The following MYH9 variants were observed in gnomAD, a reference collection of about 807,000 sequenced individuals.
MYH9 encodes myosin heavy chain 9.
In MYH9, 29 loss-of-function variants were observed where a neutral mutation model predicts 241.9. That is an observed-to-expected ratio of 0.12 (90% CI 0.09 to 0.16). MYH9 has a LOEUF of 0.16. MYH9 is among the 10% of genes least tolerant of loss of function. The pLI is 1.00. For missense variants in MYH9, 1,803 were observed against 2,595.5 expected (o/e 0.69, Z 6.63); for synonymous variants, 1,047 against 1,062.6 (o/e 0.99, Z 0.29).
rs1194052936 is a variant in MYH9 at position 36,320,203 on chromosome 22, G to A, written c.1012+17C>T. The A allele has an allele frequency of 1.2e-6, 2 of 1,613,970 alleles. No individual in the cohort carries two copies. Among genetic ancestry groups the A allele is most frequent in the African/African-American group, 1.3e-5 (1 of 74,926 alleles). ...TCCTCTGCCCCACACTCGACCATAG[G>A]AGGGCCAGCCCTGTACCCATTTGCT... On this transcript the variant is annotated intron_variant, in intron 9 of 40. Coordinates refer to ENST00000216181, the MANE Select transcript of MYH9 (RefSeq NM_002473.6). The surrounding 1 kb of genome is among the most constrained non-coding windows in gnomAD (Gnocchi z 4.8).
rs866226109 is a variant in MYH9 at position 36,303,977 on chromosome 22, G to A, written c.2390+18C>T. On this transcript the variant is annotated intron_variant, in intron 19 of 40. Coordinates refer to ENST00000216181, the MANE Select transcript of MYH9 (RefSeq NM_002473.6). ...GCAAGGCCTGGCATGCGGGGCAGGA[G>A]TATCTCCCGGGACTCACTTCCTGGC... The A allele has an allele frequency of 6.2e-6, 10 of 1,613,062 alleles. No homozygotes were observed. Among genetic ancestry groups the A allele is most frequent in the Middle Eastern group, 3.3e-4 (2 of 6,056 alleles).
At chr22:36,362,068 C>T (rs915465068) in intron 1 of MYH9, among the ~76,000 whole-genome samples, 12 of 151,764 alleles carry the variant, frequency 7.9e-5, no homozygotes, top group Non-Finnish European at 1.5e-4. Context: ...GACTCTGCCT[C>T]AAAAATAAAA....
intron 14 of MYH9, among the ~76,000 whole-genome samples, chr22:36,311,449 T>C (rs540126818): frequency 3.6e-4 from 54 of 151,980 alleles, no homozygotes; most frequent in African/African-American, 1.2e-3. Flanking sequence ...CTCCTAACTC[T>C]AGTGGGTAGC....
chr22:36,312,161 T>G lies in MYH9; in HGVS notation c.1616A>C (p.Asp539Ala). The change falls in exon 14 of 41, where the codon GAC becomes GCC. Residue 539 changes from aspartate (D) to alanine (A), a missense_variant. Around this residue, in one of 11 missense-constraint regions of MYH9, gnomAD observed 163 missense variants for 349.7 expected, o/e 0.47. Coordinates refer to ENST00000216181, the MANE Select transcript of MYH9 (RefSeq NM_002473.6). ...DEECWFPKAT[D>A]KSFVEKVMQE... ...CATCACCTTCTCCACGAAGCTCTTGTCGGTGGCTTTGGGGAACCAGCACTC... is the reference window on the plus strand; with the variant it reads ...CATCACCTTCTCCACGAAGCTCTTGGCGGTGGCTTTGGGGAACCAGCACTC... 1 of 1,614,174 alleles carries G rather than the reference T, an allele frequency of 6.2e-7. No homozygotes were observed. The highest frequency in any genetic ancestry group is 8.5e-7 in the Non-Finnish European group (1 of 1,180,020).
At chr22:36,348,644 ATTC>A (rs556888698) in intron 2 of MYH9, among the ~76,000 whole-genome samples, 223 of 152,308 alleles carry the variant, frequency 1.5e-3, no homozygotes, top group African/African-American at 5.2e-3. Flanking sequence ...ACAGGGCCAT[ATTC>A]TTCTCCCTAC....
chr22:36,375,174 G>A (rs756822347), intron 1 of MYH9, among the ~76,000 whole-genome samples: 8 of 152,158 alleles, frequency 5.3e-5, no homozygotes, highest in Non-Finnish European at 1.0e-4. Flanking sequence ...GATGAAGGAC[G>A]AAAGGAACCC....
At chr22:36,284,060 G>C (rs770745869) in intron 40 of MYH9, 33 bp downstream of exon 40, 1 of 1,607,914 alleles carries the variant, frequency 6.2e-7, no homozygotes, top group South Asian at 1.1e-5. Flanking sequence ...GAGAAGTGCC[G>C]AGGCAAAGGG....
At chr22:36,291,896 G>A (rs570953728) in intron 31 of MYH9, 90 bp downstream of exon 31, 729 of 1,596,448 alleles carry the variant, frequency 4.6e-4, no homozygotes, top group Middle Eastern at 2.1e-3. Flanking sequence ...AGACCCTGAG[G>A]GAGCCCAGGC....
chr22:36,360,331 C>T (rs945237218), intron 1 of MYH9, among the ~76,000 whole-genome samples: 8 of 151,918 alleles, frequency 5.3e-5, no homozygotes, highest in South Asian at 2.1e-4. Context: ...GTTTCGTGGC[C>T]GAGTAAGGAT....
Position 36,349,267 on chromosome 22 carries a change from G to A in MYH9, c.-19-12C>T, listed in dbSNP as rs752891231. 120 of 1,600,286 alleles carry A rather than the reference G, an allele frequency of 7.5e-5. No individual in the cohort carries two copies. The highest frequency in any genetic ancestry group is 1.0e-4 in the Non-Finnish European group (117 of 1,168,886). ...CTTATAGCCAGGACCTAAGCGGGGAGGAGAAGGACAACACATTACATACAA... is the reference window on the plus strand; with the variant it reads ...CTTATAGCCAGGACCTAAGCGGGGAAGAGAAGGACAACACATTACATACAA... On this transcript the variant is annotated splice_polypyrimidine_tract_variant and intron_variant, in intron 1 of 40. Coordinates refer to ENST00000216181, the MANE Select transcript of MYH9 (RefSeq NM_002473.6).
Position 36,282,536 on chromosome 22 carries a change from A to G in MYH9, c.*132T>C. On this transcript the variant is annotated 3_prime_UTR_variant, in exon 41 of 41. Transcript: ENST00000216181. ...ACCTGGAGGGAAACGGGATGGGGGGACGGGGCGGAGGGCAGGAGGAGGCAT... is the reference window on the plus strand; with the variant it reads ...ACCTGGAGGGAAACGGGATGGGGGGGCGGGGCGGAGGGCAGGAGGAGGCAT... 1 of 872,622 alleles carries G rather than the reference A, an allele frequency of 1.1e-6. No homozygotes were observed. The highest frequency in any genetic ancestry group is 1.9e-6 in the Non-Finnish European group (1 of 516,288). 54.1% of individuals were successfully genotyped at this position (872,622 alleles called of 1,614,324 possible). A position where few individuals can be genotyped will look rare whatever the true frequency, so the allele number is the denominator to read the frequency against.
intron 21 of MYH9, 82 bp downstream of exon 21, chr22:36,301,452 G>C: frequency 6.3e-7 from 1 of 1,580,674 alleles, no homozygotes; most frequent in Admixed American, 1.7e-5. Context: ...GAAACTTCCA[G>C]CATGCCGTGC....
chr22:36,342,904 T>C (rs1428661358), intron 2 of MYH9, among the ~76,000 whole-genome samples: 2 of 152,226 alleles, frequency 1.3e-5, no homozygotes, highest in South Asian at 2.1e-4. Context: ...GCCAACCTCC[T>C]TGGTCACGGA....
At chr22:36,358,400 T>C (rs1261488449) in intron 1 of MYH9, among the ~76,000 whole-genome samples, 1 of 152,096 alleles carries the variant, frequency 6.6e-6, no homozygotes, top group Non-Finnish European at 1.5e-5. Context: ...GGCAAATCAA[T>C]CTGGATTAGA....
chr22:36,308,718 G>GT (rs1255554477), intron 15 of MYH9: 1 of 751,094 alleles, frequency 1.3e-6, no homozygotes, highest in Non-Finnish European at 1.6e-6. Flanking sequence ...CAAGGCAAGG[G>GT]GGGGCGCGAG....
At chr22:36,302,809 G>T in intron 19 of MYH9, 133 bp from the exon 20 acceptor site, 1 of 735,252 alleles carries the variant, frequency 1.4e-6, no homozygotes, top group Non-Finnish European at 2.4e-6. Flanking sequence ...TTCAGGGAAG[G>T]GGTCTGGCCT....
chr22:36,318,136 A>T, intron 11 of MYH9, 71 bp downstream of exon 11: 2 of 1,359,758 alleles, frequency 1.5e-6, no homozygotes, highest in South Asian at 2.3e-5. Flanking sequence ...GGCCCACAAC[A>T]GCCTCAACTG....
intron 1 of MYH9, among the ~76,000 whole-genome samples, chr22:36,352,531 C>T (rs2017782588): frequency 6.6e-6 from 1 of 152,208 alleles, no homozygotes; most frequent in Admixed American, 6.5e-5. Flanking sequence ...CTCAGACTGC[C>T]CTGGAAATCC....
intron 11 of MYH9, 27 bp downstream of exon 11, chr22:36,318,180 C>G: frequency 6.3e-7 from 1 of 1,599,654 alleles, no homozygotes; most frequent in African/African-American, 1.3e-5. Flanking sequence ...AGGAGGCAGC[C>G]AGCTGCCCTG....
Sources: gnomAD v4.1 joint callset for allele counts (sites outside exome capture counted in the v4.1 genomes callset) on GRCh38, gnomAD v4.1.1 for gene constraint, gnomAD v4.1.1 regional missense constraint, Gnocchi (gnomAD v3.1) non-coding constraint, MANE v1.5 for transcripts, NCBI Gene and HGNC (gene_info 2026-07-23, HGNC 2026-07-21) for gene names.